The following L3MBTL4 variants were observed in gnomAD, a reference collection of about 807,000 sequenced individuals.
L3MBTL4 encodes L3MBTL histone methyl-lysine binding protein 4.
A neutral mutation model predicts 84.5 loss-of-function variants in L3MBTL4; 70 were observed. That is an observed-to-expected ratio of 0.83 (90% CI 0.68 to 1.01). The LOEUF (loss-of-function observed/expected upper bound fraction) is 1.01, where lower values mean the gene tolerates loss of function less well. L3MBTL4 is among the 50% of genes least tolerant of loss of function. The probability of loss-of-function intolerance (pLI) is 0.00; values close to 1 mark genes in which losing one functional copy is unlikely to be tolerated. For synonymous variants in L3MBTL4, 274 were observed against 259.8 expected, an observed-to-expected ratio of 1.05 and a Z score of -0.52; for missense variants, 715 against 754.8, an observed-to-expected ratio of 0.95 and a Z score of 0.62.
At chr18:6,143,968 G>C (rs575010173) in intron 13 of L3MBTL4, among the ~76,000 whole-genome samples, 386 of 151,698 alleles carry the variant, frequency 2.5e-3, no homozygotes, top group African/African-American at 8.2e-3. Context: ...GAGGCCAAGG[G>C]TGGCGGATCA....
At chr18:6,316,832 C>T (rs1328625406) in intron 1 of L3MBTL4, among the ~76,000 whole-genome samples, 1 of 152,090 alleles carries the variant, frequency 6.6e-6, no homozygotes, top group Non-Finnish European at 1.5e-5. Flanking sequence ...CAGTGTTTTT[C>T]ACTGAAAGCT....
chr18:6,169,271 C>A (rs2043843067), intron 13 of L3MBTL4, among the ~76,000 whole-genome samples: 1 of 152,144 alleles, frequency 6.6e-6, no homozygotes, highest in South Asian at 2.1e-4. Flanking sequence ...GACAGGGTGG[C>A]AATTCCTCAG....
At chr18:6,206,255 T>A (rs2045871265) in intron 12 of L3MBTL4, among the ~76,000 whole-genome samples, 2 of 152,342 alleles carry the variant, frequency 1.3e-5, no homozygotes, top group Middle Eastern at 6.8e-3. Context: ...ATTGGAGCTA[T>A]CTGTAGCATC....
Position 5,969,561 on chromosome 18 carries a change from T to C in L3MBTL4, c.1446A>G (p.Glu482=), listed in dbSNP as rs200212638. 8.8e-5 allele frequency: 141 copies of C among 1,597,546 alleles called. No individual in the cohort carries two copies. In the African/African-American group the frequency reaches 1.1e-3, roughly 12 times the overall value. ...CCTGCTGCGCCTGCTCCACCGAGTA[T>C]TCTGTAAGAGAGGTGGGGTGGGGTG... The part of the protein sequence containing the change: ...EDIDLDNLFR[E]YSVEQAQQVL... The change falls in exon 17 of 19, where the codon GAA becomes GAG. Residue 482 remains glutamate, a splice_region_variant and synonymous_variant. Transcript: ENST00000317931.
chr18:6,001,946 C>T (rs1228775255), intron 16 of L3MBTL4, among the ~76,000 whole-genome samples: 8 of 152,068 alleles, frequency 5.3e-5, no homozygotes, highest in African/African-American at 1.9e-4. Flanking sequence ...AGATGCTCAA[C>T]AAACTCCAAG....
At chr18:6,031,198 C>T (rs942552833) in intron 16 of L3MBTL4, 40 of 985,276 alleles carry the variant, frequency 4.1e-5, no homozygotes, top group Admixed American at 6.1e-5. Flanking sequence ...GTAGAATGAT[C>T]ATTGAGCATT....
chr18:6,213,081 G>A (rs2046177764), intron 12 of L3MBTL4, 68 bp downstream of exon 12: 4 of 803,358 alleles, frequency 5.0e-6, no homozygotes, highest in African/African-American at 1.8e-5. Context: ...GAGAATGGGA[G>A]GGTAGAGGAA....
chr18:6,196,027 A>G (rs1398567682), intron 12 of L3MBTL4, among the ~76,000 whole-genome samples: 1 of 151,884 alleles, frequency 6.6e-6, no homozygotes, highest in African/African-American at 2.4e-5. Flanking sequence ...CCTATTCCAC[A>G]TTCACACAGT....
At chr18:6,354,722 A>G (rs1335533959) in intron 1 of L3MBTL4, among the ~76,000 whole-genome samples, 1 of 151,946 alleles carries the variant, frequency 6.6e-6, no homozygotes, top group East Asian at 1.9e-4. Context: ...AATCAAAACT[A>G]GAATGAGATA....
chr18:6,218,074 T>A (rs1458965765), intron 10 of L3MBTL4, among the ~76,000 whole-genome samples: 1 of 152,206 alleles, frequency 6.6e-6, no homozygotes, highest in Admixed American at 6.5e-5. Flanking sequence ...ATACTATATA[T>A]TTTATGTTTC....
At chr18:6,328,774 G>GA (rs1045060016) in intron 1 of L3MBTL4, among the ~76,000 whole-genome samples, 15 of 152,264 alleles carry the variant, frequency 9.9e-5, no homozygotes, top group African/African-American at 3.6e-4. Flanking sequence ...TGAAGTAGTG[G>GA]AAAAGTCATC....
chr18:6,101,123 C>T (rs906157157), intron 14 of L3MBTL4, among the ~76,000 whole-genome samples: 1 of 152,102 alleles, frequency 6.6e-6, no homozygotes, highest in Non-Finnish European at 1.5e-5. Flanking sequence ...CTACACTGCC[C>T]CTTTGCTGGT....
chr18:5,963,111 T>C (rs1452308312), intron 17 of L3MBTL4, among the ~76,000 whole-genome samples: 1 of 152,164 alleles, frequency 6.6e-6, no homozygotes, highest in South Asian at 2.1e-4. Context: ...CCATGTTTTG[T>C]CAGATGTCAA....
At chr18:6,281,369 C>A (rs933007404) in intron 4 of L3MBTL4, among the ~76,000 whole-genome samples, 1 of 152,108 alleles carries the variant, frequency 6.6e-6, no homozygotes, top group Non-Finnish European at 1.5e-5. Flanking sequence ...ACCAAAGAAG[C>A]CTTCACTATC....
At chr18:5,976,812 C>A (rs2052956176) in intron 16 of L3MBTL4, among the ~76,000 whole-genome samples, 1 of 152,160 alleles carries the variant, frequency 6.6e-6, no homozygotes, top group East Asian at 1.9e-4. Flanking sequence ...GAATGACTTT[C>A]AAAACTAGGT....
intron 1 of L3MBTL4, among the ~76,000 whole-genome samples, chr18:6,318,729 A>G (rs1435775006): frequency 6.6e-6 from 1 of 152,064 alleles, no homozygotes; most frequent in Admixed American, 6.6e-5. Flanking sequence ...TCATCGAGAC[A>G]GAAGGTCAAC....
At chr18:5,973,224 C>G (rs190372020) in intron 16 of L3MBTL4, among the ~76,000 whole-genome samples, 43 of 152,314 alleles carry the variant, frequency 2.8e-4, no homozygotes, top group Non-Finnish European at 4.3e-4. Context: ...AGATTTCACA[C>G]CTGAGTGGTC....
chr18:6,079,662 G>T (rs1384834438), intron 16 of L3MBTL4, among the ~76,000 whole-genome samples: 1 of 152,114 alleles, frequency 6.6e-6, no homozygotes, highest in Non-Finnish European at 1.5e-5. Context: ...TAATTACTCT[G>T]TGGAGATATT....
At chr18:6,239,297 C>CTGA in intron 9 of L3MBTL4, among the ~76,000 whole-genome samples, 2 of 148,588 alleles carry the variant, frequency 1.3e-5, no homozygotes, top group African/African-American at 5.0e-5. Context: ...GCCGAGATCC[C>CTGA]GCCACTGCAC....
Sources: allele counts gnomAD v4.1 joint callset (sites outside exome capture counted in the v4.1 genomes callset), GRCh38; gene constraint gnomAD v4.1.1; transcripts MANE v1.5; gene names NCBI Gene and HGNC (gene_info 2026-07-23, HGNC 2026-07-21).